The following RBFOX1 variants were observed in gnomAD, a reference collection of about 807,000 sequenced individuals.
RBFOX1 encodes RNA binding protein fox-1 homolog 1.
A neutral mutation model predicts 57.7 loss-of-function variants in RBFOX1; 8 were observed. The ratio of observed to expected loss-of-function variants is 0.14; its 90% CI spans 0.08 to 0.25. The LOEUF (loss-of-function observed/expected upper bound fraction) is 0.25, where lower values mean the gene tolerates loss of function less well. Ranked by LOEUF, RBFOX1 falls within the 10% of genes least tolerant of loss-of-function variation. RBFOX1 has a pLI of 1.00. For synonymous variants in RBFOX1, 326 were observed against 222.4 expected (o/e 1.47, Z -4.15); for missense variants, 611 against 548.5 (o/e 1.11, Z -1.14).
At chr16:5,928,723 C>G (rs1446044800) in intron 4 of RBFOX1, among the ~76,000 whole-genome samples, 1 of 150,908 alleles carries the variant, frequency 6.6e-6, no homozygotes, top group Non-Finnish European at 1.5e-5. Flanking sequence ...AAAAAAAATT[C>G]CTGAAATGCG....
intron 1 of RBFOX1, among the ~76,000 whole-genome samples, chr16:5,451,519 C>T (rs1168379289): frequency 6.6e-6 from 1 of 152,220 alleles, no homozygotes; most frequent in Non-Finnish European, 1.5e-5. Context: ...GGTGCAGGAA[C>T]TTCAGAGGAC....
intron 4 of RBFOX1, among the ~76,000 whole-genome samples, chr16:7,381,904 T>G (rs2097787400): frequency 6.6e-6 from 1 of 152,184 alleles, no homozygotes; most frequent in East Asian, 1.9e-4. Flanking sequence ...CCAACTGTAG[T>G]TCTCCCCACA....
intron 3 of RBFOX1, among the ~76,000 whole-genome samples, chr16:5,843,214 T>C (rs1156650196): frequency 6.6e-6 from 1 of 152,158 alleles, no homozygotes; most frequent in East Asian, 1.9e-4. Context: ...CAGGGGTTTG[T>C]TTTACAGATT....
chr16:5,962,259 C>G (rs1486635652), intron 4 of RBFOX1, among the ~76,000 whole-genome samples: 2 of 152,192 alleles, frequency 1.3e-5, no homozygotes, highest in Admixed American at 6.5e-5. Context: ...CAAGCCTGAG[C>G]TATTACAGTA....
intron 1 of RBFOX1, among the ~76,000 whole-genome samples, chr16:6,060,074 TA>T (rs1164526488): frequency 1.4e-5 from 2 of 145,606 alleles, no homozygotes; most frequent in African/African-American, 2.5e-5. Context: ...ATACATTGTT[TA>T]AAAAAATAGG....
At position 7,642,471 on chromosome 16, in the gene RBFOX1, G is replaced by A. The variant is rs554822104; in HGVS notation, c.758-11344G>A. Among the ~76,000 whole-genome samples, 6 of 152,232 alleles carry A rather than the reference G, an allele frequency of 3.9e-5. No homozygotes were observed. The East Asian group carries it at 1.2e-3, about 29-fold the overall frequency. On this transcript the variant is annotated intron_variant, in intron 11 of 15. Transcript: ENST00000550418. ...GAGCCACCGTCAGACCCCTCTGAAG[G>A]CTTCATGTTCAGGAGCTGCGTCAGC...
At chr16:7,079,999 T>A (rs1014174040) in intron 4 of RBFOX1, among the ~76,000 whole-genome samples, 3 of 147,398 alleles carry the variant, frequency 2.0e-5, no homozygotes, top group African/African-American at 7.5e-5. Context: ...AAATTCATTG[T>A]GTATATATAT....
At chr16:5,579,959 C>A (rs563856500) in intron 2 of RBFOX1, among the ~76,000 whole-genome samples, 1 of 152,056 alleles carries the variant, frequency 6.6e-6, no homozygotes, top group Non-Finnish European at 1.5e-5. Context: ...TTAGTAGAGA[C>A]GGGGTTTCAC....
intron 1 of RBFOX1, chr16:6,057,226 T>C (rs577893637): frequency 6.6e-6 from 1 of 152,306 alleles, no homozygotes; most frequent in Non-Finnish European, 1.5e-5. Flanking sequence ...CTTAAATATA[T>C]TGTCTGCCTC....
intron 2 of RBFOX1, among the ~76,000 whole-genome samples, chr16:6,397,848 A>T (rs2092904504): frequency 6.6e-6 from 1 of 152,218 alleles, no homozygotes; most frequent in South Asian, 2.1e-4. Flanking sequence ...TAATTCTGAG[A>T]GCAACTACTA....
intron 2 of RBFOX1, among the ~76,000 whole-genome samples, chr16:5,597,469 G>T (rs899675702): frequency 1.4e-5 from 2 of 142,210 alleles, no homozygotes; most frequent in Non-Finnish European, 3.0e-5. Flanking sequence ...CGGTGGTCTT[G>T]GCTCACTGCA....
Position 6,485,175 on chromosome 16 carries a change from A to G in RBFOX1, c.-64+168118A>G, listed in dbSNP as rs181261234. On this transcript the variant is annotated intron_variant, in intron 2 of 15. Coordinates refer to ENST00000550418, the MANE Select transcript of RBFOX1 (RefSeq NM_018723.4). ...CTGCTTGCCACTCAGGCTCACAGGA[A>G]TCCAGGCTTTTCATTTAAAAAGCAA... Among the ~76,000 whole-genome samples the G allele has an allele frequency of 1.2e-4, 18 of 152,316 alleles. No individual in the cohort carries two copies. In the East Asian group the frequency reaches 3.5e-3, roughly 29 times the overall value.
chr16:5,455,763 C>G lies in RBFOX1; in HGVS notation c.220-11453C>G, dbSNP rs540630449. Among the ~76,000 whole-genome samples, 5 of 152,258 alleles carry G rather than the reference C, an allele frequency of 3.3e-5. No homozygotes were observed. The South Asian group carries it at 8.3e-4, about 25-fold the overall frequency. ...TAATAGAAAGATGGCAGCATGGACA[C>G]AATACTGACCAAGAAGTGAAATGCA... On this transcript the variant is annotated intron_variant, in intron 1 of 2. Coordinates refer to the RBFOX1 transcript ENST00000585867.
At chr16:6,428,464 A>G (rs1161406982) in intron 2 of RBFOX1, among the ~76,000 whole-genome samples, 2 of 152,116 alleles carry the variant, frequency 1.3e-5, no homozygotes, top group Non-Finnish European at 2.9e-5. Flanking sequence ...GTAATTTTTT[A>G]TTCTGTATAA....
chr16:5,882,168 G>A (rs1295498332), intron 4 of RBFOX1, among the ~76,000 whole-genome samples: 2 of 152,180 alleles, frequency 1.3e-5, no homozygotes, highest in Admixed American at 1.3e-4. Flanking sequence ...ACACTGTGAA[G>A]GTGAAATCAC....
At chr16:6,291,188 T>A (rs1470406593) in intron 1 of RBFOX1, among the ~76,000 whole-genome samples, 1 of 152,146 alleles carries the variant, frequency 6.6e-6, no homozygotes, top group Non-Finnish European at 1.5e-5. Flanking sequence ...AGCAAGGTCT[T>A]CTTGACCTGT....
chr16:7,000,343 A>G (rs1481635424), intron 3 of RBFOX1, among the ~76,000 whole-genome samples: 1 of 152,060 alleles, frequency 6.6e-6, no homozygotes, highest in African/African-American at 2.4e-5. Context: ...ATTAGTCGAT[A>G]CATCTCTCAA....
chr16:6,655,921 G>T (rs1389864690), intron 3 of RBFOX1, among the ~76,000 whole-genome samples: 2 of 152,174 alleles, frequency 1.3e-5, no homozygotes, highest in Non-Finnish European at 1.5e-5. Context: ...TAAATAAAAA[G>T]CAGTTGCCAC....
At chr16:5,835,093 A>C (rs2056416577) in intron 3 of RBFOX1, among the ~76,000 whole-genome samples, 1 of 152,178 alleles carries the variant, frequency 6.6e-6, no homozygotes, top group Non-Finnish European at 1.5e-5. Context: ...GGATGGCTCA[A>C]CTTGACACAT....
Sources: gnomAD v4.1 joint callset for allele counts (sites outside exome capture counted in the v4.1 genomes callset) on GRCh38, gnomAD v4.1.1 for gene constraint, MANE v1.5 for transcripts, NCBI Gene and HGNC (gene_info 2026-07-23, HGNC 2026-07-21) for gene names.